Variants in SLC71A2 observed in about 807,000 individuals in gnomAD.
SLC71A2 encodes solute carrier family 71 member 2.
At chr9:94,428,318 T>C in the SLC71A2 span, among the ~76,000 whole-genome samples, 1 of 148,304 alleles carries the variant, frequency 6.7e-6, no homozygotes, top group Non-Finnish European at 1.5e-5. Context: ...CTTATAACTT[T>C]GGTATTTCAC....
the SLC71A2 span, among the ~76,000 whole-genome samples, chr9:94,390,237 T>A: frequency 6.6e-6 from 1 of 150,800 alleles, no homozygotes; most frequent in African/African-American, 2.4e-5. Flanking sequence ...GGTTCTCGTT[T>A]GTGTGATAAA....
the SLC71A2 span, among the ~76,000 whole-genome samples, chr9:94,398,189 A>G: frequency 2.0e-5 from 3 of 150,906 alleles, no homozygotes; most frequent in Admixed American, 1.3e-4. Flanking sequence ...AGCATTGGCC[A>G]TTGGGAGTGC....
the SLC71A2 span, among the ~76,000 whole-genome samples, chr9:94,453,080 G>A: frequency 6.6e-6 from 1 of 150,762 alleles, no homozygotes; most frequent in Non-Finnish European, 1.5e-5. Context: ...TGTTGCAAAT[G>A]TAAATTATGT....
the SLC71A2 span, chr9:94,451,584 T>C: frequency 1.1e-6 from 1 of 907,510 alleles, no homozygotes; most frequent in East Asian, 2.7e-5. Context: ...ATAACCATAG[T>C]TTCACAGGAA....
the SLC71A2 span, among the ~76,000 whole-genome samples, chr9:94,391,879 C>CA: frequency 2.6e-5 from 4 of 151,462 alleles, no homozygotes; most frequent in African/African-American, 4.9e-5. Context: ...ACCCTGTGTC[C>CA]AAAAAAAATT....
At chr9:94,398,573 T>C in the SLC71A2 span, among the ~76,000 whole-genome samples, 2 of 152,182 alleles carry the variant, frequency 1.3e-5, no homozygotes, top group East Asian at 3.9e-4. Context: ...TACCCTTATC[T>C]TGTCTCCTGC....
the SLC71A2 span, among the ~76,000 whole-genome samples, chr9:94,431,676 A>G: frequency 1.3e-5 from 2 of 151,890 alleles, no homozygotes; most frequent in African/African-American, 4.8e-5. Flanking sequence ...AACTTAATTT[A>G]TGAATAAATA....
the SLC71A2 span, chr9:94,460,863 C>A: frequency 6.6e-6 from 1 of 152,002 alleles, no homozygotes; most frequent in South Asian, 2.1e-4. Context: ...TTTTACTATG[C>A]TATTGGTTTT....
chr9:94,458,374 G>T, the SLC71A2 span: 2 of 1,613,914 alleles, frequency 1.2e-6, no homozygotes, highest in Non-Finnish European at 1.7e-6. Flanking sequence ...ATGGCCTGGG[G>T]CCAGCACTGT....
chr9:94,427,236 A>G, the SLC71A2 span, among the ~76,000 whole-genome samples: 1 of 152,170 alleles, frequency 6.6e-6, no homozygotes, highest in African/African-American at 2.4e-5. Flanking sequence ...TTTTAAAATT[A>G]TTATTGACTT....
At chr9:94,439,068 CTGG>C in the SLC71A2 span, among the ~76,000 whole-genome samples, 2 of 136,746 alleles carry the variant, frequency 1.5e-5, no homozygotes, top group African/African-American at 5.6e-5. Flanking sequence ...GTTGACTAGG[CTGG>C]AGTGCAGTGG....
the SLC71A2 span, among the ~76,000 whole-genome samples, chr9:94,419,571 C>CT: frequency 6.6e-6 from 1 of 152,182 alleles, no homozygotes; most frequent in Non-Finnish European, 1.5e-5. Context: ...TCCCAAAGTG[C>CT]TGGGATCACT....
At chr9:94,382,718 G>A in the SLC71A2 span, among the ~76,000 whole-genome samples, 5,001 of 151,762 alleles carry the variant, frequency 0.033, 270 homozygotes, top group African/African-American at 0.11. Context: ...GGAGTGTAGT[G>A]GCACAATCTC....
the SLC71A2 span, chr9:94,444,966 C>G: frequency 6.2e-7 from 1 of 1,613,558 alleles, no homozygotes; most frequent in Non-Finnish European, 8.5e-7. Flanking sequence ...TCCCACAGGT[C>G]TCAGCCACCT....
At chr9:94,387,746 T>C in the SLC71A2 span, among the ~76,000 whole-genome samples, 2 of 152,194 alleles carry the variant, frequency 1.3e-5, no homozygotes, top group South Asian at 4.1e-4. Context: ...AGAAGACTCC[T>C]GAGTTGTCTG....
the SLC71A2 span, chr9:94,458,463 A>G: frequency 6.2e-7 from 1 of 1,613,678 alleles, no homozygotes; most frequent in Non-Finnish European, 8.5e-7. Context: ...GTTCCCCTGC[A>G]GGTAATTTGG....
chr9:94,399,480 T>A, the SLC71A2 span, among the ~76,000 whole-genome samples: 215 of 152,326 alleles, frequency 1.4e-3, 1 homozygote, highest in African/African-American at 5.1e-3. Context: ...TCTGTATCTA[T>A]ATGAAGTTAA....
the SLC71A2 span, among the ~76,000 whole-genome samples, chr9:94,417,015 G>A: frequency 6.6e-6 from 1 of 152,026 alleles, no homozygotes; most frequent in Non-Finnish European, 1.5e-5. Context: ...TAGTTAATGA[G>A]GATAATTAGT....
At chr9:94,421,681 T>C in the SLC71A2 span, among the ~76,000 whole-genome samples, 7 of 152,210 alleles carry the variant, frequency 4.6e-5, no homozygotes, top group African/African-American at 1.7e-4. Context: ...AATTGAGCTC[T>C]TGGAATATTT....
Sources: gnomAD v4.1 joint callset for allele counts (sites outside exome capture counted in the v4.1 genomes callset) on GRCh38, gnomAD v4.1.1 for gene constraint, MANE v1.5 for transcripts, NCBI Gene and HGNC (gene_info 2026-07-23, HGNC 2026-07-21) for gene names.